IL6ST: variants seen among roughly 807,000 people sequenced by gnomAD.
IL6ST encodes interleukin-6 receptor subunit beta.
IL6ST carries 24 observed loss-of-function variants against 91.3 expected under a neutral mutation model. That is an observed-to-expected ratio of 0.26 (90% confidence interval 0.19 to 0.37). IL6ST has a LOEUF of 0.37. Ranked by LOEUF, IL6ST falls within the 10% of genes least tolerant of loss-of-function variation. IL6ST has a pLI of 1.00. For synonymous variants in IL6ST, 351 were observed against 373.6 expected (o/e 0.94, Z 0.70); for missense variants, 914 against 1,078.5 (o/e 0.85, Z 2.14).
At chr5:55,947,460 G>T in intron 15 of IL6ST, 33 bp downstream of exon 15, 1 of 1,197,450 alleles carries the variant, frequency 8.4e-7, no homozygotes, top group Non-Finnish European at 1.2e-6. Flanking sequence ...TAAAGCTGGG[G>T]GAAAATGCAA....
At chr5:55,959,311 G>A (rs1752168468) in intron 8 of IL6ST, among the ~76,000 whole-genome samples, 2 of 152,142 alleles carry the variant, frequency 1.3e-5, no homozygotes, top group Admixed American at 6.5e-5. Flanking sequence ...GAAATCTTAG[G>A]GCAGAAGGGT....
chr5:55,948,329 T>C (rs1477965789), intron 14 of IL6ST, among the ~76,000 whole-genome samples: 1 of 152,330 alleles, frequency 6.6e-6, no homozygotes, highest in East Asian at 1.9e-4. Context: ...TCCTGATTAA[T>C]TTTGAATTTT....
Position 55,937,558 on chromosome 5 carries a change from G to A in IL6ST, c.*3524C>T, listed in dbSNP as rs1203580579. ...GAAGAATTAGGCTGTAAGACTGCTA[G>A]TTCATACCTTCTTTGAAATCAATGA... On this transcript the variant is annotated 3_prime_UTR_variant, in exon 17 of 17. Coordinates refer to ENST00000381298, the MANE Select transcript of IL6ST (RefSeq NM_002184.4). 1 of 205,426 alleles carries A rather than the reference G, an allele frequency of 4.9e-6. No homozygotes were observed. The highest frequency in any genetic ancestry group is 1.0e-5 in the Non-Finnish European group (1 of 100,352). The allele number at this position is 205,426 out of a possible 1,614,324, so 12.7% of individuals were successfully genotyped here. A position where few individuals can be genotyped will look rare whatever the true frequency, so the allele number is the denominator to read the frequency against.
intron 15 of IL6ST, among the ~76,000 whole-genome samples, chr5:55,943,378 A>ACTC (rs1751040794): frequency 6.6e-6 from 1 of 152,124 alleles, no homozygotes; most frequent in African/African-American, 2.4e-5. Flanking sequence ...TTCCCACAAA[A>ACTC]CTCTGGGCAA....
chr5:55,935,780 A>C lies in IL6ST; in HGVS notation c.*5302T>G, dbSNP rs1472735867. 9.2e-6 allele frequency: 2 copies of C among 216,706 alleles called. No homozygotes were observed. Among genetic ancestry groups the C allele is most frequent in the Admixed American group, 1.2e-4 (2 of 17,220 alleles). 13.4% of individuals were successfully genotyped at this position (216,706 alleles called of 1,614,324 possible). On this transcript the variant is annotated 3_prime_UTR_variant, in exon 17 of 17. Transcript: ENST00000381298. Reference sequence around the variant, plus strand: ...ATTTAAAAAGAAAAAGCTTAAATGGAAAGTTAAGCAATCCTGAACAAGAAA... The same window carrying C: ...ATTTAAAAAGAAAAAGCTTAAATGGCAAGTTAAGCAATCCTGAACAAGAAA...
Position 55,964,305 on chromosome 5 carries a change from G to A in IL6ST, c.499C>T (p.His167Tyr). The change falls in exon 6 of 17, where the codon CAC (histidine) becomes TAC (tyrosine). Residue 167 changes from histidine to tyrosine, a missense_variant. His to Tyr is a moderately conservative substitution (Grantham distance 83). Coordinates refer to ENST00000381298, the MANE Select transcript of IL6ST (RefSeq NM_002184.4). Reference sequence around the variant, plus strand: ...TTTGCTTTGCAATCAGCAAACTTGTGTGTTGCCCTAAATACAAAAAATTGA... The same window carrying A: ...TTTGCTTTGCAATCAGCAAACTTGTATGTTGCCCTAAATACAAAAAATTGA... ...NFTLKSEWAT[H>Y]KFADCKAKRD... 6.2e-7 allele frequency: 1 copy of A among 1,607,634 alleles called. No individual in the cohort carries two copies. Among genetic ancestry groups the A allele is most frequent in the African/African-American group, 1.3e-5 (1 of 74,778 alleles).
chr5:55,966,934 T>C (rs1448357689), intron 5 of IL6ST, among the ~76,000 whole-genome samples: 2 of 147,620 alleles, frequency 1.4e-5, no homozygotes, highest in Non-Finnish European at 3.0e-5. Flanking sequence ...ACATCACTCC[T>C]ACAAAATATT....
At chr5:55,978,128 G>A (rs1312645334) in intron 2 of IL6ST, 2 of 152,154 alleles carry the variant, frequency 1.3e-5, no homozygotes, top group Non-Finnish European at 2.9e-5. Context: ...ACTGGCAAAA[G>A]GCATGACATT....
chr5:55,955,276 G>A (rs550255510), intron 10 of IL6ST, among the ~76,000 whole-genome samples: 5 of 152,262 alleles, frequency 3.3e-5, no homozygotes, highest in African/African-American at 9.6e-5. Context: ...TGGCCAACAC[G>A]GTGAAACCCC....
Position 55,956,037 on chromosome 5 carries a change from A to G in IL6ST, c.1255T>C (p.Cys419Arg). 6.2e-7 allele frequency: 1 copy of G among 1,611,730 alleles called. No individual in the cohort carries two copies. The highest frequency in any genetic ancestry group is 8.5e-7 in the Non-Finnish European group (1 of 1,177,864). ...SDAAVLTIPA[C>R]DFQATHPVMD... is the part of the protein sequence containing the mutation. ...CACAGATACAAACCTTGAAAGTCAC[A>G]GGCAGGGATAGTTAAAACAGCTGCA... The change falls in exon 10 of 17, where the codon TGT (cysteine) becomes CGT (arginine). Residue 419 changes from cysteine (C) to arginine (R), a missense_variant. Physicochemically the swap from Cys to Arg is radical, Grantham distance 180. Coordinates refer to ENST00000381298, the MANE Select transcript of IL6ST (RefSeq NM_002184.4).
intron 15 of IL6ST, among the ~76,000 whole-genome samples, chr5:55,945,040 CAAAA>C (rs368225632): frequency 1.4e-5 from 1 of 71,904 alleles, no homozygotes; most frequent in East Asian, 5.6e-4. Flanking sequence ...GGAATTAAAT[CAAAA>C]AAAAAAAAAA....
Position 55,951,995 on chromosome 5 carries a change from C to T in IL6ST, c.1633G>A (p.Asp545Asn). ...AVLEWDQLPV[D>N]VQNGFIRNYT... is the part of the protein sequence containing the mutation. Reference sequence around the variant, plus strand: ...TTTCTGATAAATCCATTCTGAACATCAACAGGAAGTTGGTCCCACTCTAAG... The same window carrying T: ...TTTCTGATAAATCCATTCTGAACATTAACAGGAAGTTGGTCCCACTCTAAG... Residue 545 changes from aspartate (D) to asparagine (N), a missense_variant, in exon 13 of 17, where the codon GAT becomes AAT. Coordinates refer to ENST00000381298, the MANE Select transcript of IL6ST (RefSeq NM_002184.4). 6.3e-7 allele frequency: 1 copy of T among 1,582,628 alleles called. No individual in the cohort carries two copies. Among genetic ancestry groups the T allele is most frequent in the East Asian group, 2.2e-5 (1 of 44,684 alleles).
chr5:55,957,928 T>C (rs1446212905), intron 8 of IL6ST, among the ~76,000 whole-genome samples: 1 of 152,194 alleles, frequency 6.6e-6, no homozygotes, highest in African/African-American at 2.4e-5. Context: ...GGAAAATCTA[T>C]TTAAACACAT....
chr5:55,970,560 C>T (rs938025731), intron 3 of IL6ST, among the ~76,000 whole-genome samples: 6 of 152,146 alleles, frequency 3.9e-5, no homozygotes, highest in Admixed American at 2.0e-4. Context: ...TGGTGGTGCA[C>T]GCCTATAGTC....
intron 8 of IL6ST, among the ~76,000 whole-genome samples, chr5:55,958,729 T>C (rs529170720): frequency 3.9e-4 from 59 of 151,724 alleles, no homozygotes; most frequent in African/African-American, 1.4e-3. Context: ...GTCCCAGCTA[T>C]GTTGGGGGCT....
intron 5 of IL6ST, among the ~76,000 whole-genome samples, 189 bp downstream of exon 5, chr5:55,968,087 G>A (rs1049177027): frequency 1.3e-5 from 2 of 152,076 alleles, no homozygotes; most frequent in Admixed American, 6.5e-5. Flanking sequence ...ATGGGCCGCC[G>A]CGCCTGGGGG....
chr5:55,947,734 C>T, intron 14 of IL6ST, 145 bp from the exon 15 acceptor site: 2 of 584,012 alleles, frequency 3.4e-6, no homozygotes, highest in East Asian at 5.7e-5. Flanking sequence ...AAGGTCTCTT[C>T]AGACTTGATG....
chr5:55,988,684 T>C (rs1449553354), intron 1 of IL6ST, among the ~76,000 whole-genome samples: 4 of 150,402 alleles, frequency 2.7e-5, no homozygotes, highest in Non-Finnish European at 5.9e-5. Flanking sequence ...GAGAATCACT[T>C]GAACCCAGTA....
intron 1 of IL6ST, among the ~76,000 whole-genome samples, chr5:55,987,219 T>C (rs1035625736): frequency 2.0e-5 from 3 of 152,202 alleles, no homozygotes. Flanking sequence ...TATAGATCCG[T>C]ATTTCCATCT....
Sources: allele counts gnomAD v4.1 joint callset (sites outside exome capture counted in the v4.1 genomes callset), GRCh38; gene constraint gnomAD v4.1.1; transcripts MANE v1.5; gene names NCBI Gene and HGNC (gene_info 2026-07-23, HGNC 2026-07-21).